Variants in THSD7B observed in about 807,000 individuals in gnomAD.
THSD7B encodes thrombospondin type 1 domain containing 7B.
Under a neutral mutation model 213.6 loss-of-function variants are expected in THSD7B, and 138 were observed. The observed-to-expected ratio is 0.65, with a 90% CI of 0.56 to 0.74. The LOEUF (loss-of-function observed/expected upper bound fraction) is 0.74, where lower values mean the gene tolerates loss of function less well. Among genes scored for constraint, THSD7B ranks in the 30% least tolerant of loss-of-function variants. THSD7B has a pLI of 0.00. For synonymous variants in THSD7B, 742 were observed against 687.0 expected (o/e 1.08, Z -1.25); for missense variants, 1,931 against 1,991.5 (o/e 0.97, Z 0.58).
chr2:137,346,097 T>C (rs1293115118), intron 12 of THSD7B, among the ~76,000 whole-genome samples: 1 of 151,540 alleles, frequency 6.6e-6, no homozygotes, highest in Admixed American at 6.6e-5. Context: ...TTTCTAGTGG[T>C]AAAAAGCACT....
chr2:136,833,418 T>A (rs1682791927), intron 1 of THSD7B, among the ~76,000 whole-genome samples: 1 of 117,262 alleles, frequency 8.5e-6, no homozygotes, highest in Non-Finnish European at 1.7e-5. Flanking sequence ...TATGCATAGA[T>A]CTTGATTATT....
intron 2 of THSD7B, among the ~76,000 whole-genome samples, chr2:136,972,080 A>T (rs547603371): frequency 6.6e-6 from 1 of 152,148 alleles, no homozygotes. Flanking sequence ...TGAAGTCTCT[A>T]TGACAAGGTT....
chr2:136,951,438 C>G (rs1416370319), intron 2 of THSD7B, among the ~76,000 whole-genome samples: 1 of 152,158 alleles, frequency 6.6e-6, no homozygotes, highest in Non-Finnish European at 1.5e-5. Flanking sequence ...TCAGGAAATG[C>G]TGTTAGAATT....
chr2:137,398,639 G>C (rs1423739453), intron 12 of THSD7B, among the ~76,000 whole-genome samples: 1 of 152,060 alleles, frequency 6.6e-6, no homozygotes, highest in Middle Eastern at 3.2e-3. Context: ...CCTGCCCCCA[G>C]AGGTGGAGCC....
intron 17 of THSD7B, among the ~76,000 whole-genome samples, chr2:137,606,854 G>A (rs1476517813): frequency 1.3e-5 from 2 of 152,016 alleles, no homozygotes; most frequent in Non-Finnish European, 2.9e-5. Context: ...GAGGGAAACT[G>A]AGATTGAGAT....
chr2:137,494,451 G>T (rs1432776522), intron 15 of THSD7B, among the ~76,000 whole-genome samples: 1 of 151,974 alleles, frequency 6.6e-6, no homozygotes, highest in Non-Finnish European at 1.5e-5. Flanking sequence ...AAGAAATAAA[G>T]ATGATAGTTA....
intron 15 of THSD7B, among the ~76,000 whole-genome samples, chr2:137,490,454 A>G (rs1371319979): frequency 6.6e-6 from 1 of 152,136 alleles, no homozygotes; most frequent in East Asian, 1.9e-4. Context: ...TTTTAATTAG[A>G]CATTATTTTT....
intron 12 of THSD7B, among the ~76,000 whole-genome samples, chr2:137,365,029 G>A (rs1338242629): frequency 6.6e-6 from 1 of 152,136 alleles, no homozygotes; most frequent in African/African-American, 2.4e-5. Flanking sequence ...CATGGTGCTG[G>A]TACCAGAACA....
intron 14 of THSD7B, among the ~76,000 whole-genome samples, chr2:137,427,360 A>G (rs2105034454): frequency 6.6e-6 from 1 of 152,288 alleles, no homozygotes; most frequent in Admixed American, 6.5e-5. Context: ...TCCCATGTTC[A>G]TTGTAGTGTG....
chr2:137,488,637 A>G (rs530569276), intron 15 of THSD7B, among the ~76,000 whole-genome samples: 71 of 152,326 alleles, frequency 4.7e-4, no homozygotes, highest in African/African-American at 1.7e-3. Context: ...CCACGTGTGC[A>G]TGCATACAAC....
chr2:137,162,109 C>G (rs145842339), intron 6 of THSD7B, among the ~76,000 whole-genome samples: 29 of 152,276 alleles, frequency 1.9e-4, no homozygotes, highest in African/African-American at 6.0e-4. Flanking sequence ...CAGCCTAAGT[C>G]AGAAGAGACT....
chr2:137,405,902 C>G, intron 13 of THSD7B, 95 bp downstream of exon 13: 1 of 1,119,242 alleles, frequency 8.9e-7, no homozygotes, highest in Non-Finnish European at 1.2e-6. Context: ...GAATTTGCAT[C>G]AGGTCTCTTC....
chr2:137,010,594 A>G (rs954565968), intron 2 of THSD7B, among the ~76,000 whole-genome samples: 1 of 152,156 alleles, frequency 6.6e-6, no homozygotes, highest in African/African-American at 2.4e-5. Flanking sequence ...ATTGTTTGTT[A>G]CCACAGTCTC....
chr2:136,776,197 G>T (rs1459429353), intron 1 of THSD7B, among the ~76,000 whole-genome samples: 1 of 152,052 alleles, frequency 6.6e-6, no homozygotes. Context: ...AAAGGAATTG[G>T]GCTCCCTGTC....
chr2:137,520,172 C>T (rs1037351538), intron 15 of THSD7B, among the ~76,000 whole-genome samples: 1 of 151,832 alleles, frequency 6.6e-6, no homozygotes, highest in Non-Finnish European at 1.5e-5. Context: ...TGTTGGGTGG[C>T]AGTAGGAATA....
chr2:137,020,543 G>A (rs1348751025), intron 2 of THSD7B, among the ~76,000 whole-genome samples: 1 of 152,100 alleles, frequency 6.6e-6, no homozygotes, highest in Non-Finnish European at 1.5e-5. Context: ...TCTGTGCCAG[G>A]ACCCCCCGTT....
At chr2:137,613,879 G>C (rs1295251804) in intron 17 of THSD7B, among the ~76,000 whole-genome samples, 1 of 152,034 alleles carries the variant, frequency 6.6e-6, no homozygotes, top group African/African-American at 2.4e-5. Flanking sequence ...ACAGCTAATA[G>C]AGAGAAAGAA....
Position 137,451,042 on chromosome 2 carries a change from C to A in THSD7B, c.3138+19C>A. On this transcript the variant is annotated intron_variant, in intron 15 of 27. Coordinates refer to ENST00000409968, the MANE Select transcript of THSD7B (RefSeq NM_001316349.2). ...GAATCAGGTAAAGTGCATGAAGCAACAAATAAAAAGCTAAAAAAGCTATCC... is the reference window on the plus strand; with the variant it reads ...GAATCAGGTAAAGTGCATGAAGCAAAAAATAAAAAGCTAAAAAAGCTATCC... 1 of 1,531,682 alleles carries A rather than the reference C, an allele frequency of 6.5e-7. No homozygotes were observed. Among genetic ancestry groups the A allele is most frequent in the Admixed American group, 2.3e-5 (1 of 43,608 alleles). 94.9% of individuals were successfully genotyped at this position (1,531,682 alleles called of 1,614,324 possible).
intron 20 of THSD7B, among the ~76,000 whole-genome samples, chr2:137,638,207 CA>C (rs1358264562): frequency 6.6e-6 from 1 of 152,168 alleles, no homozygotes; most frequent in Non-Finnish European, 1.5e-5. Context: ...AACCAAATCT[CA>C]AACTTGAATT....
Sources: gnomAD v4.1 joint callset for allele counts (sites outside exome capture counted in the v4.1 genomes callset) on GRCh38, gnomAD v4.1.1 for gene constraint, MANE v1.5 for transcripts, NCBI Gene and HGNC (gene_info 2026-07-23, HGNC 2026-07-21) for gene names.